Variants in FBXL20 observed in about 807,000 individuals in gnomAD.
FBXL20 encodes F-box and leucine rich repeat protein 20.
In FBXL20, 11 loss-of-function variants were observed where a neutral mutation model predicts 64.0. The ratio of observed to expected loss-of-function variants is 0.17; its 90% CI spans 0.11 to 0.28. The LOEUF (loss-of-function observed/expected upper bound fraction) is 0.28. Among genes scored for constraint, FBXL20 ranks in the 10% least tolerant of loss-of-function variants. FBXL20 has a pLI of 1.00. For missense variants in FBXL20, 303 were observed against 526.2 expected (o/e 0.58, Z 4.15); for synonymous variants, 184 against 189.0 (o/e 0.97, Z 0.22).
intron 2 of FBXL20, among the ~76,000 whole-genome samples, chr17:39,316,940 G>C (rs1478104173): frequency 2.6e-5 from 4 of 152,250 alleles, no homozygotes; most frequent in Non-Finnish European, 5.9e-5. Flanking sequence ...AGTGAGCGGA[G>C]ATTGCGCCAC....
At chr17:39,276,878 G>C (rs2046901565) in intron 9 of FBXL20, among the ~76,000 whole-genome samples, 1 of 152,134 alleles carries the variant, frequency 6.6e-6, no homozygotes, top group Non-Finnish European at 1.5e-5. Flanking sequence ...CTTTAGCCCA[G>C]GAGTTCAAGG....
chr17:39,275,945 G>A (rs1263723287), intron 9 of FBXL20, among the ~76,000 whole-genome samples: 1 of 151,792 alleles, frequency 6.6e-6, no homozygotes, highest in African/African-American at 2.4e-5. Context: ...ACACAATTTT[G>A]TATTTTTTAC....
At chr17:39,400,945 T>C (rs1324593756) in intron 1 of FBXL20, among the ~76,000 whole-genome samples, 2 of 152,134 alleles carry the variant, frequency 1.3e-5, no homozygotes, top group Non-Finnish European at 2.9e-5. Flanking sequence ...ATGGTACCCA[T>C]CCCCTAATTT....
intron 3 of FBXL20, among the ~76,000 whole-genome samples, chr17:39,302,590 G>A (rs1479916705): frequency 1.3e-5 from 2 of 152,108 alleles, no homozygotes; most frequent in Non-Finnish European, 2.9e-5. Context: ...AGCCAGGAGG[G>A]TCTCTATCTC....
At chr17:39,273,586 G>A (rs1322804827) in intron 10 of FBXL20, among the ~76,000 whole-genome samples, 1 of 152,030 alleles carries the variant, frequency 6.6e-6, no homozygotes, top group Non-Finnish European at 1.5e-5. Flanking sequence ...CCAGCACTTT[G>A]GGAGGCCGAG....
At chr17:39,289,575 G>A (rs1426109365) in intron 6 of FBXL20, among the ~76,000 whole-genome samples, 3 of 151,936 alleles carry the variant, frequency 2.0e-5, no homozygotes, top group Non-Finnish European at 4.4e-5. Context: ...GAGCCCAGGA[G>A]ATGGAGGGTG....
At chr17:39,356,768 A>C (rs1597816960) in intron 1 of FBXL20, among the ~76,000 whole-genome samples, 1 of 148,088 alleles carries the variant, frequency 6.8e-6, no homozygotes, top group African/African-American at 2.5e-5. Context: ...CAATTCTACC[A>C]CCTCTGCCTC....
chr17:39,384,761 C>A (rs1057292703), intron 1 of FBXL20, among the ~76,000 whole-genome samples: 4 of 151,824 alleles, frequency 2.6e-5, no homozygotes, highest in Admixed American at 1.3e-4. Context: ...AGTTCAAGAC[C>A]AGCCTGGCCA....
At chr17:39,396,980 A>T (rs1597841953) in intron 1 of FBXL20, among the ~76,000 whole-genome samples, 1 of 151,056 alleles carries the variant, frequency 6.6e-6, no homozygotes, top group East Asian at 1.9e-4. Flanking sequence ...AAAAAAATCC[A>T]GGTCTCTCCA....
At chr17:39,288,419 G>A (rs1366891575) in intron 6 of FBXL20, among the ~76,000 whole-genome samples, 2 of 152,050 alleles carry the variant, frequency 1.3e-5, no homozygotes, top group Non-Finnish European at 2.9e-5. Flanking sequence ...ACTGTTATTA[G>A]ATATATGACC....
At chr17:39,373,704 C>T (rs1363642540) in intron 1 of FBXL20, among the ~76,000 whole-genome samples, 2 of 152,154 alleles carry the variant, frequency 1.3e-5, no homozygotes, top group African/African-American at 4.8e-5. Context: ...TTTTGTCTTA[C>T]TGTGTTCAAT....
chr17:39,359,453 T>C (rs1461199791), intron 1 of FBXL20, among the ~76,000 whole-genome samples: 1 of 152,044 alleles, frequency 6.6e-6, no homozygotes. Context: ...TGAAACCCTG[T>C]CTCTACTAAA....
intron 1 of FBXL20, among the ~76,000 whole-genome samples, chr17:39,357,192 G>C (rs2047749949): frequency 6.7e-6 from 1 of 148,484 alleles, no homozygotes; most frequent in African/African-American, 2.5e-5. Context: ...AGAATCACTT[G>C]AACCCGGGAG....
chr17:39,363,925 G>C (rs867493719), intron 1 of FBXL20, among the ~76,000 whole-genome samples: 4 of 129,124 alleles, frequency 3.1e-5, no homozygotes, highest in Non-Finnish European at 6.3e-5. Flanking sequence ...AGTCCCACTC[G>C]GTCGCCCAGG....
intron 9 of FBXL20, among the ~76,000 whole-genome samples, chr17:39,278,805 A>C (rs1342145196): frequency 6.8e-6 from 1 of 146,692 alleles, no homozygotes; most frequent in Non-Finnish European, 1.5e-5. Flanking sequence ...TCGGCCTCCC[A>C]AAGTGTTGGG....
chr17:39,271,300 TA>T (rs886212203), intron 10 of FBXL20, among the ~76,000 whole-genome samples: 4 of 151,794 alleles, frequency 2.6e-5, no homozygotes, highest in African/African-American at 9.7e-5. Flanking sequence ...TAAATTGCTT[TA>T]AAAAAAATGT....
At chr17:39,338,608 AAATTTATT>A (rs1390892569) in intron 2 of FBXL20, among the ~76,000 whole-genome samples, 1 of 152,224 alleles carries the variant, frequency 6.6e-6, no homozygotes, top group East Asian at 1.9e-4. Flanking sequence ...TAGCCAAAAT[AAATTTATT>A]AACTACAAAG....
At chr17:39,349,669 G>C (rs1223614099) in intron 1 of FBXL20, among the ~76,000 whole-genome samples, 19 of 152,118 alleles carry the variant, frequency 1.2e-4, no homozygotes. Context: ...AGGCGTAGTG[G>C]CTCACGCCTG....
intron 2 of FBXL20, among the ~76,000 whole-genome samples, chr17:39,332,057 A>G (rs1384683584): frequency 6.6e-6 from 1 of 152,242 alleles, no homozygotes; most frequent in East Asian, 1.9e-4. Context: ...CAGCAAGTGT[A>G]TGACAGAATC....
Sources: allele counts gnomAD v4.1 joint callset (sites outside exome capture counted in the v4.1 genomes callset), GRCh38; gene constraint gnomAD v4.1.1; transcripts MANE v1.5; gene names NCBI Gene and HGNC (gene_info 2026-07-23, HGNC 2026-07-21).